Variants in NTAQ1 observed in about 807,000 individuals in gnomAD.
NTAQ1 encodes N-terminal glutamine amidase 1, also known as protein N-terminal glutamine amidohydrolase.
A neutral mutation model predicts 28.2 loss-of-function variants in NTAQ1; 21 were observed. The ratio of observed to expected loss-of-function variants is 0.74; its 90% CI spans 0.53 to 1.07. NTAQ1 has a LOEUF of 1.07. NTAQ1 is among the 50% of genes least tolerant of loss of function. NTAQ1 has a pLI of 0.00. For synonymous variants in NTAQ1, 105 were observed against 90.0 expected (o/e 1.17, Z -0.94); for missense variants, 264 against 256.6 (o/e 1.03, Z -0.20).
chr8:123,468,934 T>C (rs934651285), exon 7 of NTAQ1, among the ~76,000 whole-genome samples: 2 of 152,234 alleles, frequency 1.3e-5, no homozygotes, highest in African/African-American at 4.8e-5. Context: ...TGAGGTGATA[T>C]CTCCTTGTGG....
chr8:123,467,704 A>C (rs547546810), exon 7 of NTAQ1, among the ~76,000 whole-genome samples: 1 of 152,234 alleles, frequency 6.6e-6, no homozygotes, highest in East Asian at 1.9e-4. Context: ...GGCAAGGGCC[A>C]GAGGAGCAGT....
In NTAQ1 at chr8:123,437,300, G is replaced by A; in HGVS notation, c.474G>A (p.Glu158=). 6.2e-7 allele frequency: 1 copy of A among 1,614,080 alleles called. No homozygotes were observed. Among genetic ancestry groups the A allele is most frequent in the African/African-American group, 1.3e-5 (1 of 75,032 alleles). The change falls in exon 5 of 6, where the codon GAG becomes GAA. Residue 158 remains glutamate, a synonymous_variant. Coordinates refer to ENST00000287387, the MANE Select transcript of NTAQ1 (RefSeq NM_018024.3). The part of the protein sequence containing the change: ...HMKDSSGNWR[E]PPPPYPCIET... ...AAGACTCCAGTGGGAATTGGAGAGA[G>A]CCTCCGCCGCCATATCCCTGCATTG...
At chr8:123,468,462 A>C (rs754544370) in exon 7 of NTAQ1, among the ~76,000 whole-genome samples, 1 of 152,200 alleles carries the variant, frequency 6.6e-6, no homozygotes, top group Non-Finnish European at 1.5e-5. Flanking sequence ...TGGAATCATA[A>C]AGCATTTATC....
chr8:123,449,929 A>ATGTATGTGTGTGTGTG (rs1554657624), downstream of NTAQ1, among the ~76,000 whole-genome samples: 255 of 66,670 alleles, frequency 3.8e-3, 5 homozygotes, highest in African/African-American at 0.013. Flanking sequence ...GTATATATAT[A>ATGTATGTGTGTGTGTG]TGTGTGTGTG....
chr8:123,438,038 G>C (rs1292856762), intron 5 of NTAQ1: 1 of 622,618 alleles, frequency 1.6e-6, no homozygotes, highest in East Asian at 2.8e-5. Context: ...TATGATGTGT[G>C]AAATGTCACT....
intron 1 of NTAQ1, among the ~76,000 whole-genome samples, chr8:123,421,215 G>A (rs141124915): frequency 9.9e-5 from 15 of 152,216 alleles, no homozygotes; most frequent in Admixed American, 4.6e-4. Context: ...CGAGTAACTG[G>A]GGCTACAGGT....
intron 6 of NTAQ1, among the ~76,000 whole-genome samples, chr8:123,447,647 C>A (rs4541891): frequency 0.91 from 137,911 of 152,196 alleles, 62,615 homozygotes; most frequent in East Asian, 0.99. Flanking sequence ...GAGAAGCTTC[C>A]TGCTGCTTTC....
rs113151923 is a variant in NTAQ1 at position 123,441,857 on chromosome 8, T to G, written c.*442T>G. 95 of 162,882 alleles carry G rather than the reference T, an allele frequency of 5.8e-4. No individual in the cohort carries two copies. Among genetic ancestry groups the G allele is most frequent in the African/African-American group, 2.2e-3 (93 of 41,868 alleles). The allele number at this position is 162,882 out of a possible 1,614,324, so 10.1% of individuals were successfully genotyped here. ...TGCCCATAAAATGTTTTCTTGAACA[T>G]TTGAATGTGCTGTTGTCTGGAAAGG... On this transcript the variant is annotated 3_prime_UTR_variant, in exon 6 of 6. Coordinates refer to ENST00000287387, the MANE Select transcript of NTAQ1 (RefSeq NM_018024.3).
chr8:123,420,280 T>C (rs541685859), intron 1 of NTAQ1, among the ~76,000 whole-genome samples: 3 of 152,324 alleles, frequency 2.0e-5, no homozygotes, highest in East Asian at 3.9e-4. Context: ...TATTCCATGG[T>C]GGATGATATA....
rs569546446 is a variant in NTAQ1 at position 123,454,838 on chromosome 8, G to C, written c.373-12241G>C. On this transcript the variant is annotated intron_variant, in intron 6 of 6. Coordinates refer to the NTAQ1 transcript ENST00000650311. ...ACGGTAAGATCAGAGCATCTGGGGG[G>C]TACCAGCATATGGACCCATTTCTTT... is the stretch of plus-strand genomic sequence containing the variant. The C allele has an allele frequency of 2.0e-5, 3 of 152,360 alleles. No individual in the cohort carries two copies. In the East Asian group the frequency reaches 5.8e-4, roughly 29 times the overall value. 9.4% of individuals were successfully genotyped at this position (152,360 alleles called of 1,614,324 possible). A position where few individuals can be genotyped will look rare whatever the true frequency, so the allele number is the denominator to read the frequency against.
In NTAQ1 at chr8:123,435,183, C is replaced by T. The variant is rs370882739; in HGVS notation, c.235-1270C>T. ...GAAGAACTCAGAGCACCACATTGCT[C>T]ATGTCCCTTGATCACCTCCCTGAAA... On this transcript the variant is annotated intron_variant, in intron 3 of 5. Transcript: ENST00000287387. Among the ~76,000 whole-genome samples, 6 of 152,274 alleles carry T rather than the reference C, an allele frequency of 3.9e-5. No individual in the cohort carries two copies. In the East Asian group the frequency reaches 7.7e-4, roughly 20 times the overall value.
Position 123,436,479 on chromosome 8 carries a change from T to G in NTAQ1, c.261T>G (p.Val87=), listed in dbSNP as rs1297925110. ...IWDYHVVLLH[V]SSGGQNFIYD... ...ATTACCATGTTGTTTTGCTTCATGT[T>G]TCAAGTGGAGGACAGAACTTCATTT... Residue 87 remains valine, a synonymous_variant, in exon 4 of 6, where the codon GTT becomes GTG. Transcript: ENST00000287387. 1 of 1,613,164 alleles carries G rather than the reference T, an allele frequency of 6.2e-7. No homozygotes were observed. Among genetic ancestry groups the G allele is most frequent in the South Asian group, 1.1e-5 (1 of 90,674 alleles).
Position 123,468,282 on chromosome 8 carries a change from T to G in NTAQ1, c.*1132T>G, listed in dbSNP as rs376322561. 9.8e-5 allele frequency among the ~76,000 whole-genome samples: 15 copies of G among 152,332 alleles called. No individual in the cohort carries two copies. In the East Asian group the frequency reaches 2.5e-3, roughly 25 times the overall value. ...ACTATCTTAAAGTGTACAGTAGTGTTAAGTATATTTGCATCATCATGCCAC... is the reference window on the plus strand; with the variant it reads ...ACTATCTTAAAGTGTACAGTAGTGTGAAGTATATTTGCATCATCATGCCAC... On this transcript the variant is annotated 3_prime_UTR_variant, in exon 7 of 7. Coordinates refer to the NTAQ1 transcript ENST00000650311.
intron 1 of NTAQ1, among the ~76,000 whole-genome samples, chr8:123,425,114 G>T (rs1216161572): frequency 2.0e-5 from 3 of 151,452 alleles, no homozygotes; most frequent in African/African-American, 7.3e-5. Context: ...TTTTTTTAGA[G>T]GTTGTCTCTC....
At chr8:123,432,925 C>T (rs995013710) in intron 3 of NTAQ1, among the ~76,000 whole-genome samples, 4 of 152,174 alleles carry the variant, frequency 2.6e-5, no homozygotes, top group African/African-American at 9.7e-5. Context: ...AGTGATCCGC[C>T]CGCCTCGGCC....
chr8:123,457,976 G>T (rs1815696871), intron 6 of NTAQ1, among the ~76,000 whole-genome samples: 2 of 147,084 alleles, frequency 1.4e-5, no homozygotes, highest in South Asian at 4.2e-4. Context: ...GGAGGTTGCA[G>T]TGAGCCAAGA....
downstream of NTAQ1, among the ~76,000 whole-genome samples, chr8:123,449,974 T>TATATATATGAGA (rs371673968): frequency 5.3e-5 from 3 of 56,084 alleles, 1 homozygote; most frequent in Non-Finnish European, 9.3e-5. Context: ...TATATATATA[T>TATATATATGAGA]GCTGGATAAA....
At chr8:123,417,714 C>A (rs560651710) in intron 1 of NTAQ1, among the ~76,000 whole-genome samples, 1 of 152,274 alleles carries the variant, frequency 6.6e-6, no homozygotes, top group East Asian at 1.9e-4. Context: ...TTCTGCTGGT[C>A]ACTAAACCAA....
At chr8:123,442,403 G>C (rs749527219), downstream of NTAQ1, among the ~76,000 whole-genome samples, 1 of 151,896 alleles carries the variant, frequency 6.6e-6, no homozygotes, top group Non-Finnish European at 1.5e-5. Context: ...TTTGAGACCA[G>C]CTTGGCCAAC....
Sources: gnomAD v4.1 joint callset for allele counts (sites outside exome capture counted in the v4.1 genomes callset) on GRCh38, gnomAD v4.1.1 for gene constraint, MANE v1.5 for transcripts, NCBI Gene and HGNC (gene_info 2026-07-23, HGNC 2026-07-21) for gene names.